Variants in TMEM120B observed in about 807,000 individuals in gnomAD.
The protein encoded by TMEM120B is transmembrane protein 120B.
TMEM120B carries 31 observed loss-of-function variants against 55.5 expected under a neutral mutation model. The observed-to-expected ratio is 0.56, with a 90% CI of 0.42 to 0.75. The LOEUF (loss-of-function observed/expected upper bound fraction) is 0.75. Ranked by LOEUF, TMEM120B falls within the 30% of genes least tolerant of loss-of-function variation. TMEM120B has a pLI of 0.00. For synonymous variants in TMEM120B, 203 were observed against 176.3 expected, an observed-to-expected ratio of 1.15 and a Z score of -1.20; for missense variants, 399 against 425.5, an observed-to-expected ratio of 0.94 and a Z score of 0.55.
chr12:121,759,080 T>A, intron 5 of TMEM120B: 1 of 945,382 alleles, frequency 1.1e-6, no homozygotes, highest in Non-Finnish European at 1.3e-6. Context: ...GTTTATAGCT[T>A]AACACTGCAG....
chr12:121,723,375 C>T (rs1370424570), intron 1 of TMEM120B, among the ~76,000 whole-genome samples: 1 of 152,064 alleles, frequency 6.6e-6, no homozygotes, highest in Non-Finnish European at 1.5e-5. Context: ...GCTGTGTTGC[C>T]CAGGCTCAGG....
At chr12:121,714,477 C>G (rs775177331) in intron 1 of TMEM120B, among the ~76,000 whole-genome samples, 2 of 150,236 alleles carry the variant, frequency 1.3e-5, no homozygotes, top group Non-Finnish European at 3.0e-5. Flanking sequence ...GGCTTCTGAC[C>G]TCAGGTGATT....
chr12:121,741,528 C>T (rs1382779409), intron 1 of TMEM120B, among the ~76,000 whole-genome samples: 1 of 152,026 alleles, frequency 6.6e-6, no homozygotes, highest in African/African-American at 2.4e-5. Context: ...AGGGTTTCTC[C>T]ATGTTAGTCA....
chr12:121,773,948 T>G (rs1374137578), intron 9 of TMEM120B, among the ~76,000 whole-genome samples: 1 of 145,466 alleles, frequency 6.9e-6, no homozygotes, highest in East Asian at 2.0e-4. Context: ...ACAACTCTGC[T>G]ATCTTTTTTT....
intron 1 of TMEM120B, among the ~76,000 whole-genome samples, chr12:121,713,753 G>A (rs1411760699): frequency 1.3e-5 from 2 of 152,162 alleles, no homozygotes; most frequent in East Asian, 3.8e-4. Flanking sequence ...TACCTACCGT[G>A]TTGACTAGAG....
rs376060039 is a variant in TMEM120B at position 121,771,501 on chromosome 12, A to G, written c.631A>G (p.Ile211Val). 2.4e-5 allele frequency: 39 copies of G among 1,613,932 alleles called. No individual in the cohort carries two copies. The highest frequency in any genetic ancestry group is 3.2e-5 in the Non-Finnish European group (38 of 1,179,988). The change falls in exon 8 of 12, where the codon ATT becomes GTT. Residue 211 changes from isoleucine to valine, a missense_variant. By Grantham distance (29) the Ile-to-Val change is conservative (BLOSUM62 3). Coordinates refer to ENST00000449592, the MANE Select transcript of TMEM120B (RefSeq NM_001080825.2). The stretch of plus-strand genomic sequence containing the variant: ...CCTTCTCTCCAGGCCTAATGGACCC[A>G]TTTATCAGAAGTTTCGCAACCAGTT... Reference protein sequence around the residue: ...GVMLTWPNGPIYQKFRNQFLA... With the variant: ...GVMLTWPNGPVYQKFRNQFLA...
rs768127614 is a variant in TMEM120B at position 121,775,698 on chromosome 12, CAG to C, written c.999_1000del (p.Gly334GlnfsTer56). 1.2e-6 allele frequency: 2 copies of C among 1,613,954 alleles called. No individual in the cohort carries two copies. The highest frequency in any genetic ancestry group is 2.7e-5 in the African/African-American group (2 of 74,930). The part of the protein sequence containing the change: ...KVVHAKLQKN[R>X]GKTKQP Reference sequence around the variant, plus strand: ...TCGTGCATGCCAAGCTCCAGAAGAACAGAGGCAAGACAAAGCAGCCGTGAGCC... The same window carrying C: ...TCGTGCATGCCAAGCTCCAGAAGAACAGGCAAGACAAAGCAGCCGTGAGCC... On this transcript the variant is annotated frameshift_variant, in exon 12 of 12. Transcript: ENST00000449592. LOFTEE classifies it high-confidence loss of function. The surrounding 1 kb of genome is among the most constrained non-coding windows in gnomAD (Gnocchi z 4.3).
chr12:121,720,046 C>G (rs1037052906), intron 1 of TMEM120B, among the ~76,000 whole-genome samples: 5 of 152,154 alleles, frequency 3.3e-5, no homozygotes, highest in Non-Finnish European at 5.9e-5. Context: ...AGTGCCTAGC[C>G]TGCTGCATGC....
At chr12:121,752,296 A>G (rs1873355737) in intron 5 of TMEM120B, 73 bp downstream of exon 5, 1 of 1,314,536 alleles carries the variant, frequency 7.6e-7, no homozygotes, top group Non-Finnish European at 1.1e-6. Flanking sequence ...AGAGGGATCC[A>G]GGGGACCCGG....
chr12:121,765,525 TG>T (rs1313243916), intron 6 of TMEM120B, among the ~76,000 whole-genome samples: 2 of 152,132 alleles, frequency 1.3e-5, no homozygotes, highest in Non-Finnish European at 2.9e-5. Context: ...CTCCCCTTGG[TG>T]GTCTGAGGCA....
chr12:121,722,912 G>A (rs1231867795), intron 1 of TMEM120B, among the ~76,000 whole-genome samples: 1 of 148,908 alleles, frequency 6.7e-6, no homozygotes, highest in South Asian at 2.1e-4. Context: ...GCAATGGCGC[G>A]ATCTTGGCTC....
intron 1 of TMEM120B, among the ~76,000 whole-genome samples, chr12:121,726,563 A>G (rs1894895879): frequency 6.9e-6 from 1 of 144,662 alleles, no homozygotes. Flanking sequence ...TGGGTGACAG[A>G]GCGAGACTCT....
intron 5 of TMEM120B, chr12:121,758,640 C>T (rs1295036551): frequency 1.3e-5 from 13 of 974,628 alleles, no homozygotes; most frequent in African/African-American, 7.5e-5. Context: ...TGGAGGAGGA[C>T]GGCCCAGCCC....
intron 1 of TMEM120B, among the ~76,000 whole-genome samples, chr12:121,719,034 T>C (rs1426446880): frequency 1.3e-5 from 2 of 152,042 alleles, no homozygotes; most frequent in Non-Finnish European, 2.9e-5. Context: ...CCCCCTGTGG[T>C]TTCAGCAAGC....
rs1404029135 is a variant in TMEM120B at position 121,775,751 on chromosome 12, A to G, written c.*29A>G. On this transcript the variant is annotated 3_prime_UTR_variant, in exon 12 of 12. Transcript: ENST00000449592. The surrounding 1 kb of genome is among the most constrained non-coding windows in gnomAD (Gnocchi z 4.3). ...TCGGGCTCCTGTGCCCTCGGCCCGG[A>G]CTTCAGACTGCAGGGGGCTCCCGGG... 6.2e-7 allele frequency: 1 copy of G among 1,610,808 alleles called. No individual in the cohort carries two copies. Among genetic ancestry groups the G allele is most frequent in the Non-Finnish European group, 8.5e-7 (1 of 1,178,484 alleles).
intron 6 of TMEM120B, 72 bp from the exon 7 acceptor site, chr12:121,770,835 G>T: frequency 7.2e-7 from 1 of 1,398,154 alleles, no homozygotes; most frequent in South Asian, 1.2e-5. Flanking sequence ...CTGCATAGGT[G>T]GGGCCTCAGC....
At chr12:121,742,111 T>A (rs1430449122) in intron 1 of TMEM120B, among the ~76,000 whole-genome samples, 1 of 151,926 alleles carries the variant, frequency 6.6e-6, no homozygotes, top group Non-Finnish European at 1.5e-5. Context: ...CAAACGATTC[T>A]CCTGTCTCAG....
intron 9 of TMEM120B, among the ~76,000 whole-genome samples, chr12:121,773,787 ATT>A: frequency 1.1e-5 from 1 of 94,176 alleles, no homozygotes; most frequent in South Asian, 3.3e-4. Flanking sequence ...CAAATTAGCC[ATT>A]TGTGTGTAAC....
Position 121,781,305 on chromosome 12 carries a change from A to T in TMEM120B, c.*5583A>T. 1.2e-6 allele frequency: 1 copy of T among 868,526 alleles called. No individual in the cohort carries two copies. Among genetic ancestry groups the T allele is most frequent in the Admixed American group, 2.4e-5 (1 of 42,090 alleles). The allele number at this position is 868,526 out of a possible 1,614,324, so 53.8% of individuals were successfully genotyped here. A position where few individuals can be genotyped will look rare whatever the true frequency, so the allele number is the denominator to read the frequency against. Reference sequence around the variant, plus strand: ...CCTGCCTTAGGGCCTCAATTTCCTCATCTATACAATGGGCAGCAAGCCAGG... The same window carrying T: ...CCTGCCTTAGGGCCTCAATTTCCTCTTCTATACAATGGGCAGCAAGCCAGG... On this transcript the variant is annotated 3_prime_UTR_variant, in exon 12 of 12. Coordinates refer to ENST00000449592, the MANE Select transcript of TMEM120B (RefSeq NM_001080825.2).
Sources: allele counts gnomAD v4.1 joint callset (sites outside exome capture counted in the v4.1 genomes callset), GRCh38; gene constraint gnomAD v4.1.1; non-coding constraint Gnocchi (gnomAD v3.1); transcripts MANE v1.5; gene names NCBI Gene and HGNC (gene_info 2026-07-23, HGNC 2026-07-21).